ERC1: variants seen among roughly 807,000 people sequenced by gnomAD.
The protein encoded by ERC1 is ELKS/RAB6-interacting/CAST family member 1.
Under a neutral mutation model 132.0 loss-of-function variants are expected in ERC1, and 56 were observed. That is an observed-to-expected ratio of 0.42 (90% CI 0.34 to 0.53). The LOEUF is 0.53. ERC1 is among the 20% of genes least tolerant of loss of function. ERC1 has a pLI of 0.03. For synonymous variants in ERC1, 478 were observed against 476.1 expected, an observed-to-expected ratio of 1.00 and a Z score of -0.05; for missense variants, 1,202 against 1,349.9, an observed-to-expected ratio of 0.89 and a Z score of 1.72.
At chr12:1,006,050 C>T (rs1426628771) in intron 1 of ERC1, among the ~76,000 whole-genome samples, 4 of 151,658 alleles carry the variant, frequency 2.6e-5, no homozygotes, top group African/African-American at 4.8e-5. Flanking sequence ...CTCTGCTTCC[C>T]GGGTTCAAGC....
chr12:1,083,616 G>C lies in ERC1; in HGVS notation c.1086+36G>C, dbSNP rs192091164. The C allele has an allele frequency of 2.6e-4, 396 of 1,509,030 alleles. 2 individuals are homozygous for C. In the African/African-American group the frequency reaches 5.1e-3, roughly 19 times the overall value. 93.5% of individuals were successfully genotyped at this position (1,509,030 alleles called of 1,614,324 possible). On this transcript the variant is annotated intron_variant, in intron 3 of 18. Transcript: ENST00000360905. The stretch of plus-strand genomic sequence containing the variant: ...ACTTTTTTAGTTTTATGATTTGTTG[G>C]TTATCTTTTTTTTCACTGATTAATC...
At position 1,460,958 on chromosome 12, in the gene ERC1, C is replaced by CTTTTTTTTTTTTTTTTT. The variant is rs35505633; in HGVS notation, c.3213+16215_3213+16231dup. 6.2e-3 allele frequency among the ~76,000 whole-genome samples: 400 copies of CTTTTTTTTTTTTTTTTT among 64,966 alleles called. 12 individuals are homozygous for CTTTTTTTTTTTTTTTTT. The highest frequency in any genetic ancestry group is 6.9e-3 in the Non-Finnish European group (262 of 38,228). 42.6% of individuals were successfully genotyped at this position (64,966 alleles called of 152,430 possible). A position where few individuals can be genotyped will look rare whatever the true frequency, so the allele number is the denominator to read the frequency against. On this transcript the variant is annotated intron_variant, in intron 18 of 18. Transcript: ENST00000360905. Reference sequence around the variant, plus strand: ...GACTTGCCTAAACGATGAGGAGGCCCTTTTTTTTTTTTTTTTTTTTTTTCA... The same window carrying CTTTTTTTTTTTTTTTTT: ...GACTTGCCTAAACGATGAGGAGGCCCTTTTTTTTTTTTTTTTTTTTTTTTTTTTTTTTTTTTTTTTCA...
chr12:1,379,058 CAT>C (rs1381118884), intron 16 of ERC1, among the ~76,000 whole-genome samples: 1 of 152,164 alleles, frequency 6.6e-6, no homozygotes, highest in African/African-American at 2.4e-5. Flanking sequence ...CTGTAATACA[CAT>C]AGGGAATTTT....
intron 2 of ERC1, among the ~76,000 whole-genome samples, chr12:1,037,958 A>C: frequency 6.6e-6 from 1 of 151,722 alleles, no homozygotes; most frequent in East Asian, 2.0e-4. Flanking sequence ...GCAGGAGAAT[A>C]GCGTGAACCC....
chr12:1,426,040 C>T lies in ERC1; in HGVS notation c.3024+17793C>T, dbSNP rs796852436. Reference sequence around the variant, plus strand: ...CTGTTGTTTACTAACCTGTAGGTAGCCACCATGTACTTCTATATAGCTTTT... The same window carrying T: ...CTGTTGTTTACTAACCTGTAGGTAGTCACCATGTACTTCTATATAGCTTTT... On this transcript the variant is annotated intron_variant, in intron 17 of 18. Coordinates refer to ENST00000360905, the MANE Select transcript of ERC1 (RefSeq NM_178040.4). Among the ~76,000 whole-genome samples the T allele has an allele frequency of 7.9e-5, 12 of 152,194 alleles. 1 individual carries two copies. In the South Asian group the frequency reaches 1.7e-3, roughly 21 times the overall value.
intron 18 of ERC1, among the ~76,000 whole-genome samples, chr12:1,453,420 C>T (rs1053779234): frequency 3.3e-5 from 5 of 152,134 alleles, no homozygotes; most frequent in African/African-American, 1.2e-4. Context: ...TGCCCTACCC[C>T]CAGAAGCACA....
At chr12:1,311,384 C>A (rs191455364) in intron 15 of ERC1, among the ~76,000 whole-genome samples, 1 of 152,170 alleles carries the variant, frequency 6.6e-6, no homozygotes, top group East Asian at 1.9e-4. Context: ...ATGAGATCAG[C>A]CTTAGTTGAT....
intron 12 of ERC1, among the ~76,000 whole-genome samples, chr12:1,227,937 A>C (rs2074719842): frequency 6.6e-6 from 1 of 152,176 alleles, no homozygotes; most frequent in Non-Finnish European, 1.5e-5. Context: ...TGTTCTTGGC[A>C]TCTTTATCAA....
In ERC1 at chr12:1,290,684, C is replaced by T. The variant is rs188319642; in HGVS notation, c.2780+672C>T. On this transcript the variant is annotated intron_variant, in intron 15 of 18. Transcript: ENST00000360905. ...AAATCCAGTTGTACCCTCTCATTTA[C>T]CATTCCTAATCCTTCCCCTTACCTA... Among the ~76,000 whole-genome samples, 15 of 152,276 alleles carry T rather than the reference C, an allele frequency of 9.9e-5. No homozygotes were observed. The East Asian group carries it at 2.3e-3, about 23-fold the overall frequency.
At chr12:1,214,264 G>A (rs1365933053) in intron 12 of ERC1, among the ~76,000 whole-genome samples, 1 of 152,158 alleles carries the variant, frequency 6.6e-6, no homozygotes, top group Non-Finnish European at 1.5e-5. Context: ...CTGAGTTTGA[G>A]TACTAGTTCT....
chr12:1,414,846 GTGTGTGTGTGTC>G (rs2092036647), intron 17 of ERC1, among the ~76,000 whole-genome samples: 2 of 151,790 alleles, frequency 1.3e-5, no homozygotes, highest in Non-Finnish European at 2.9e-5. Flanking sequence ...AAATATATAT[GTGTGTGTGTGTC>G]TGTGTGTGTG....
intron 12 of ERC1, among the ~76,000 whole-genome samples, chr12:1,211,511 A>G (rs532471821): frequency 3.3e-5 from 5 of 152,284 alleles, no homozygotes; most frequent in South Asian, 2.1e-4. Context: ...AGAAGGAACA[A>G]TTGGCTTGGG....
chr12:1,063,934 G>A (rs754554281), intron 2 of ERC1, among the ~76,000 whole-genome samples: 2 of 152,132 alleles, frequency 1.3e-5, no homozygotes, highest in Non-Finnish European at 2.9e-5. Context: ...CCTTCCAGAT[G>A]TAAGACTCTC....
chr12:1,117,611 C>T (rs1593405870), intron 7 of ERC1, among the ~76,000 whole-genome samples: 1 of 152,198 alleles, frequency 6.6e-6, no homozygotes, highest in East Asian at 1.9e-4. Context: ...CCTTACACTT[C>T]ACTTTTCACG....
intron 15 of ERC1, among the ~76,000 whole-genome samples, chr12:1,350,992 C>G (rs980233053): frequency 4.6e-5 from 7 of 152,170 alleles, no homozygotes; most frequent in African/African-American, 1.7e-4. Flanking sequence ...GGAACTCACT[C>G]ACTACCACAA....
At chr12:1,242,855 A>G (rs559515150) in intron 13 of ERC1, among the ~76,000 whole-genome samples, 1 of 152,362 alleles carries the variant, frequency 6.6e-6, no homozygotes, top group Admixed American at 6.5e-5. Context: ...AATATAGTGT[A>G]ACAGCTATTT....
intron 1 of ERC1, among the ~76,000 whole-genome samples, chr12:1,024,335 T>C (rs1375741109): frequency 6.6e-6 from 1 of 152,128 alleles, no homozygotes; most frequent in Non-Finnish European, 1.5e-5. Context: ...GAGCTGTGAT[T>C]GTACCACTGC....
intron 15 of ERC1, among the ~76,000 whole-genome samples, chr12:1,349,587 C>A (rs1471309928): frequency 6.6e-6 from 1 of 151,260 alleles, no homozygotes; most frequent in Non-Finnish European, 1.5e-5. Context: ...TCGCTTGAAC[C>A]CGGGAGGCAG....
intron 12 of ERC1, among the ~76,000 whole-genome samples, chr12:1,216,769 A>G (rs939474918): frequency 5.9e-5 from 9 of 152,162 alleles, no homozygotes; most frequent in African/African-American, 1.9e-4. Flanking sequence ...AGCAACCACT[A>G]TATGTCTGAC....
Sources: gnomAD v4.1 joint callset for allele counts (sites outside exome capture counted in the v4.1 genomes callset) on GRCh38, gnomAD v4.1.1 for gene constraint, MANE v1.5 for transcripts, NCBI Gene and HGNC (gene_info 2026-07-23, HGNC 2026-07-21) for gene names.